PDE1A: variants seen among roughly 807,000 people sequenced by gnomAD.
PDE1A encodes the protein phosphodiesterase 1A.
A neutral mutation model predicts 61.7 loss-of-function variants in PDE1A; 35 were observed. The observed-to-expected ratio is 0.57, with a 90% CI of 0.43 to 0.75. The LOEUF (loss-of-function observed/expected upper bound fraction) is 0.75. Among genes scored for constraint, PDE1A ranks in the 30% least tolerant of loss-of-function variants. The pLI, the probability that PDE1A is intolerant of heterozygous loss-of-function variation, is 0.00. For missense variants in PDE1A, 597 were observed against 630.6 expected, an observed-to-expected ratio of 0.95 and a Z score of 0.57; for synonymous variants, 232 against 213.2, an observed-to-expected ratio of 1.09 and a Z score of -0.77.
chr2:182,246,776 G>A (rs924341780), intron 2 of PDE1A, among the ~76,000 whole-genome samples: 1 of 152,046 alleles, frequency 6.6e-6, no homozygotes, highest in Non-Finnish European at 1.5e-5. Context: ...TCCACTGGTT[G>A]GTTTGTTCAT....
chr2:182,394,781 A>G (rs1352861750), intron 1 of PDE1A, among the ~76,000 whole-genome samples: 2 of 152,202 alleles, frequency 1.3e-5, no homozygotes, highest in African/African-American at 2.4e-5. Flanking sequence ...AAATCCCCAC[A>G]TTGGCTCCCT....
At chr2:182,614,729 G>A in the PDE1A span, among the ~76,000 whole-genome samples, 1 of 151,828 alleles carries the variant, frequency 6.6e-6, no homozygotes, top group South Asian at 2.1e-4. Context: ...AGCCAATTTT[G>A]TATTTTTAGT....
chr2:182,513,862 A>G (rs1310362238), intron 2 of PDE1A, among the ~76,000 whole-genome samples: 4 of 152,274 alleles, frequency 2.6e-5, no homozygotes, highest in Non-Finnish European at 5.9e-5. Flanking sequence ...GGCATTACAT[A>G]ATGATAAATG....
chr2:182,556,595 G>A, the PDE1A span, among the ~76,000 whole-genome samples: 2 of 152,138 alleles, frequency 1.3e-5, no homozygotes, highest in Admixed American at 6.5e-5. Flanking sequence ...GGAATTGAAA[G>A]CAATGAGTCC....
chr2:182,239,420 A>G (rs1334245112), intron 3 of PDE1A, among the ~76,000 whole-genome samples: 1 of 152,104 alleles, frequency 6.6e-6, no homozygotes, highest in African/African-American at 2.4e-5. Context: ...TATTTTGGCG[A>G]GTCTTTTGTA....
intron 2 of PDE1A, among the ~76,000 whole-genome samples, chr2:182,458,443 G>GA (rs1257460825): frequency 1.3e-5 from 2 of 152,176 alleles, no homozygotes; most frequent in South Asian, 2.1e-4. Context: ...CTCAGGATGG[G>GA]AAAAAATCAG....
At chr2:182,315,732 C>A (rs1381645179) in intron 1 of PDE1A, among the ~76,000 whole-genome samples, 1 of 152,140 alleles carries the variant, frequency 6.6e-6, no homozygotes, top group South Asian at 2.1e-4. Flanking sequence ...ATGTAGGATG[C>A]TTTAGTGCCT....
intron 1 of PDE1A, among the ~76,000 whole-genome samples, chr2:182,339,632 A>T (rs1698056168): frequency 6.6e-6 from 1 of 152,200 alleles, no homozygotes; most frequent in African/African-American, 2.4e-5. Context: ...GCTGGAGCCT[A>T]CTGCACTTCT....
chr2:182,153,914 T>C (rs988591413), intron 13 of PDE1A, among the ~76,000 whole-genome samples: 18 of 152,184 alleles, frequency 1.2e-4, no homozygotes, highest in Admixed American at 6.6e-4. Flanking sequence ...TAATGTACAC[T>C]ATTCGGGTGA....
chr2:182,562,484 A>G, the PDE1A span, among the ~76,000 whole-genome samples: 1 of 151,292 alleles, frequency 6.6e-6, no homozygotes, highest in Non-Finnish European at 1.5e-5. Flanking sequence ...TTTTTGCATC[A>G]ATGTTCATCA....
At chr2:182,397,638 G>A (rs1413538716) in intron 1 of PDE1A, among the ~76,000 whole-genome samples, 1 of 152,116 alleles carries the variant, frequency 6.6e-6, no homozygotes, top group Non-Finnish European at 1.5e-5. Flanking sequence ...ACCTGTTTCA[G>A]CAATACAACG....
intron 7 of PDE1A, among the ~76,000 whole-genome samples, chr2:182,212,655 G>A (rs1687736445): frequency 1.3e-5 from 2 of 152,196 alleles, no homozygotes. Context: ...AAGGGGTGAT[G>A]GACGGCACCT....
chr2:182,532,945 CAAAAAAAAAAAA>C, the PDE1A span, among the ~76,000 whole-genome samples: 2 of 21,178 alleles, frequency 9.4e-5, no homozygotes, highest in Non-Finnish European at 1.6e-4. Flanking sequence ...GACTCCGTCT[CAAAAAAAAAAAA>C]AAAAAAAAAA....
the PDE1A span, among the ~76,000 whole-genome samples, chr2:182,588,277 T>C: frequency 1.3e-5 from 2 of 152,218 alleles, no homozygotes; most frequent in Non-Finnish European, 2.9e-5. Flanking sequence ...TAAAGATTCA[T>C]CTTTTCATCT....
At chr2:182,241,120 T>C (rs1208547241) in intron 2 of PDE1A, among the ~76,000 whole-genome samples, 1 of 152,082 alleles carries the variant, frequency 6.6e-6, no homozygotes, top group African/African-American at 2.4e-5. Context: ...AAGAGGAAAC[T>C]AAGGAAACAT....
At chr2:182,346,622 C>CTT (rs35092643) in intron 1 of PDE1A, among the ~76,000 whole-genome samples, 82,100 of 151,814 alleles carry the variant, frequency 0.54, 24,347 homozygotes, top group Middle Eastern at 0.76. Flanking sequence ...TCTCCCATCT[C>CTT]GACACCTGCA....
At chr2:182,253,590 G>C (rs910283814) in intron 2 of PDE1A, among the ~76,000 whole-genome samples, 1 of 152,044 alleles carries the variant, frequency 6.6e-6, no homozygotes, top group Non-Finnish European at 1.5e-5. Context: ...CATATCACAT[G>C]TCCAAGCCTA....
At chr2:182,610,879 G>A in the PDE1A span, among the ~76,000 whole-genome samples, 1 of 152,184 alleles carries the variant, frequency 6.6e-6, no homozygotes, top group African/African-American at 2.4e-5. Context: ...TATTATTGCT[G>A]TAAACTTTAA....
At chr2:182,684,303 T>G in the PDE1A span, among the ~76,000 whole-genome samples, 1 of 152,176 alleles carries the variant, frequency 6.6e-6, no homozygotes, top group Non-Finnish European at 1.5e-5. Context: ...ATGTACATTG[T>G]GTATTATATA....
Sources: allele counts gnomAD v4.1 joint callset (sites outside exome capture counted in the v4.1 genomes callset), GRCh38; gene constraint gnomAD v4.1.1; transcripts MANE v1.5; gene names NCBI Gene and HGNC (gene_info 2026-07-23, HGNC 2026-07-21).